BCAS3: variants seen among roughly 807,000 people sequenced by gnomAD.
BCAS3 encodes the protein BCAS3 microtubule associated cell migration factor.
BCAS3 carries 53 observed loss-of-function variants against 116.1 expected under a neutral mutation model. The ratio of observed to expected loss-of-function variants is 0.46; its 90% CI spans 0.37 to 0.57. The LOEUF (loss-of-function observed/expected upper bound fraction) is 0.57, where lower values mean the gene tolerates loss of function less well. Ranked by LOEUF, BCAS3 falls within the 20% of genes least tolerant of loss-of-function variation. The pLI is 0.00. For missense variants in BCAS3, 917 were observed against 1,165.4 expected, an observed-to-expected ratio of 0.79 and a Z score of 3.10; for synonymous variants, 391 against 408.2, an observed-to-expected ratio of 0.96 and a Z score of 0.51.
At position 60,990,056 on chromosome 17, in the gene BCAS3, C is replaced by T; in HGVS notation, c.1307C>T (p.Pro436Leu). ...ACTTCCCACGTTTTCCCCATCAACC[C>T]TTATGGTGGCCAGCCTTGTGTTCGT... ...RGTSHVFPIN[P>L]YGGQPCVRTH... The change falls in exon 15 of 24, where the codon CCT becomes CTT. Residue 436 changes from proline (P) to leucine (L), a missense_variant. This residue lies in a region of BCAS3 where 807 missense variants were observed against 1,026.0 expected (regional missense o/e 0.79). Coordinates refer to ENST00000407086, the MANE Select transcript of BCAS3 (RefSeq NM_017679.5). This position sits in a 1 kb window ranked among gnomAD's most constrained non-coding sequence, Gnocchi z 5.1. The T allele has an allele frequency of 6.2e-7, 1 of 1,614,162 alleles. No homozygotes were observed. Among genetic ancestry groups the T allele is most frequent in the Non-Finnish European group, 8.5e-7 (1 of 1,180,028 alleles).
rs2073242242 is a variant in BCAS3 at position 61,088,211 on chromosome 17, A to G, written c.2425+3647A>G. Among the ~76,000 whole-genome samples the G allele has an allele frequency of 6.6e-6, 1 of 152,156 alleles. No individual in the cohort carries two copies. Among genetic ancestry groups the G allele is most frequent in the African/African-American group, 2.4e-5 (1 of 41,438 alleles). On this transcript the variant is annotated intron_variant, in intron 22 of 23. Transcript: ENST00000407086. This position sits in a 1 kb window ranked among gnomAD's most constrained non-coding sequence, Gnocchi z 4.2. The stretch of plus-strand genomic sequence containing the variant: ...AGACAAAACAAAACGAAACAAAACA[A>G]AAACCATCCTACCTAAAATTTGTGG...
Position 61,315,592 on chromosome 17 carries a change from C to T in BCAS3, c.2426-52735C>T, listed in dbSNP as rs970847995. Among the ~76,000 whole-genome samples, 4 of 152,184 alleles carry T rather than the reference C, an allele frequency of 2.6e-5. No homozygotes were observed. The highest frequency in any genetic ancestry group is 2.0e-4 in the Admixed American group (3 of 15,284). On this transcript the variant is annotated intron_variant, in intron 22 of 23. Transcript: ENST00000407086. This position sits in a 1 kb window ranked among gnomAD's most constrained non-coding sequence, Gnocchi z 5.3. Reference sequence around the variant, plus strand: ...AAGCCCAGGTATGGGCCAGTGAACCCCAATGATGCTGGGGTGCCTCTTCCT... The same window carrying T: ...AAGCCCAGGTATGGGCCAGTGAACCTCAATGATGCTGGGGTGCCTCTTCCT...
chr17:60,681,013 GAAC>G (rs2033002890), intron 2 of BCAS3, among the ~76,000 whole-genome samples: 1 of 152,086 alleles, frequency 6.6e-6, no homozygotes, highest in African/African-American at 2.4e-5. Flanking sequence ...ACACCAGCCT[GAAC>G]AACATCCTGA....
At chr17:60,893,806 A>C (rs1473694676) in intron 10 of BCAS3, among the ~76,000 whole-genome samples, 1 of 151,870 alleles carries the variant, frequency 6.6e-6, no homozygotes, top group Non-Finnish European at 1.5e-5. Flanking sequence ...ATGGAGTTTT[A>C]TCATGTTGGC....
At chr17:61,335,682 A>G (rs2056664403) in intron 22 of BCAS3, among the ~76,000 whole-genome samples, 1 of 152,248 alleles carries the variant, frequency 6.6e-6, no homozygotes, top group African/African-American at 2.4e-5. Context: ...CAGAAGTTCA[A>G]GACCAGCCTG....
rs530123092 is a variant in BCAS3, at chr17:61,265,302, G to A, written c.2426-103025G>A. Among the ~76,000 whole-genome samples the A allele has an allele frequency of 2.6e-5, 4 of 152,088 alleles. No homozygotes were observed. Among genetic ancestry groups the A allele is most frequent in the African/African-American group, 7.2e-5 (3 of 41,490 alleles). On this transcript the variant is annotated intron_variant, in intron 22 of 23. Coordinates refer to ENST00000407086, the MANE Select transcript of BCAS3 (RefSeq NM_017679.5). This position sits in a 1 kb window ranked among gnomAD's most constrained non-coding sequence, Gnocchi z 4.3. ...TGGCGCATGCCTGTAATCCCGGGAGGTTGAGGCAGGAGAATCGTTCGAACC... is the reference window on the plus strand; with the variant it reads ...TGGCGCATGCCTGTAATCCCGGGAGATTGAGGCAGGAGAATCGTTCGAACC...
intron 22 of BCAS3, among the ~76,000 whole-genome samples, chr17:61,093,123 G>A (rs566223138): frequency 1.3e-4 from 19 of 151,978 alleles, no homozygotes; most frequent in Non-Finnish European, 2.5e-4. Flanking sequence ...GGCCAGGCTG[G>A]TCTCGAGCTC....
In BCAS3 at chr17:61,256,811, G is replaced by A. The variant is rs1255063370; in HGVS notation, c.2426-111516G>A. On this transcript the variant is annotated intron_variant, in intron 22 of 23. Coordinates refer to ENST00000407086, the MANE Select transcript of BCAS3 (RefSeq NM_017679.5). The surrounding 1 kb of genome is among the most constrained non-coding windows in gnomAD (Gnocchi z 5.6). ...GTATGCCATGGCACAAGGACCCAAA[G>A]TGATCTTCTCAGGCCTCAACCCCAG... Among the ~76,000 whole-genome samples the A allele has an allele frequency of 6.6e-6, 1 of 152,164 alleles. No individual in the cohort carries two copies.
Position 61,028,114 on chromosome 17 carries a change from C to CG in BCAS3, c.1638-6551dup, listed in dbSNP as rs2066387781. On this transcript the variant is annotated intron_variant, in intron 16 of 23. Transcript: ENST00000407086. This position sits in a 1 kb window ranked among gnomAD's most constrained non-coding sequence, Gnocchi z 4.3. ...ATTACACTAGAAAAAAACATTCCAA[C>CG]GTTTTTTCCTCTTGGACAGAAAGAA... Among the ~76,000 whole-genome samples, 1 of 151,710 alleles carries CG rather than the reference C, an allele frequency of 6.6e-6. No homozygotes were observed. The highest frequency in any genetic ancestry group is 1.5e-5 in the Non-Finnish European group (1 of 67,770).
At chr17:61,086,299 G>A (rs558393069) in intron 22 of BCAS3, among the ~76,000 whole-genome samples, 1 of 152,234 alleles carries the variant, frequency 6.6e-6, no homozygotes, top group Admixed American at 6.5e-5. Flanking sequence ...CACCTTGTTG[G>A]TCAGGCTAGT....
intron 7 of BCAS3, among the ~76,000 whole-genome samples, chr17:60,846,100 T>A (rs537833327): frequency 1.6e-4 from 25 of 152,160 alleles, no homozygotes; most frequent in African/African-American, 5.8e-4. Flanking sequence ...AATTAATTTT[T>A]AAATTTTTTT....
In BCAS3 at chr17:60,928,743, G is replaced by A. The variant is rs140664582; in HGVS notation, c.1087+4243G>A. ...TTTTCCTTCTTTTTTTAATTAGCAA[G>A]TGCTAGTCAGCAGCTACCCAGCTTT... On this transcript the variant is annotated intron_variant, in intron 13 of 23. Transcript: ENST00000407086. Among the ~76,000 whole-genome samples the A allele has an allele frequency of 8.1e-3, 1,230 of 152,280 alleles. 16 individuals carry two copies. The highest frequency in any genetic ancestry group is 0.028 in the African/African-American group (1,151 of 41,548).
rs1435081594 is a variant in BCAS3, at chr17:61,392,353, A to G, written c.*228A>G. ...TGTCGGTGGAGGCTGTGGCCAGGAG[A>G]GACTGTAGAAGCTCGGTCCCTGTGT... On this transcript the variant is annotated 3_prime_UTR_variant, in exon 24 of 24. Coordinates refer to ENST00000407086, the MANE Select transcript of BCAS3 (RefSeq NM_017679.5). This position sits in a 1 kb window ranked among gnomAD's most constrained non-coding sequence, Gnocchi z 6.4. The G allele has an allele frequency of 2.1e-6, 1 of 482,228 alleles. No homozygotes were observed. Among genetic ancestry groups the G allele is most frequent in the Admixed American group, 3.8e-5 (1 of 26,216 alleles). The allele number at this position is 482,228 out of a possible 1,614,324, so 29.9% of individuals were successfully genotyped here. A position where few individuals can be genotyped will look rare whatever the true frequency, so the allele number is the denominator to read the frequency against.
intron 7 of BCAS3, 107 bp downstream of exon 7, chr17:60,808,183 CATAAG>C (rs1452281992): frequency 6.7e-6 from 5 of 751,260 alleles, no homozygotes; most frequent in South Asian, 1.9e-5. Flanking sequence ...ACTAAGCTCT[CATAAG>C]AGAGAAGAAG....
At chr17:61,322,830 C>CAGAGAGAG (rs1237128472) in intron 22 of BCAS3, among the ~76,000 whole-genome samples, 3 of 75,432 alleles carry the variant, frequency 4.0e-5, no homozygotes, top group Non-Finnish European at 8.3e-5. Flanking sequence ...GAGAGAGAGA[C>CAGAGAGAG]AGAGAGAGAG....
chr17:60,920,050 C>T (rs897671667), intron 12 of BCAS3, among the ~76,000 whole-genome samples: 8 of 152,062 alleles, frequency 5.3e-5, no homozygotes, highest in African/African-American at 1.9e-4. Context: ...ACCCAAATTG[C>T]TTCAGATTCA....
In BCAS3 at chr17:61,126,350, A is replaced by G. The variant is rs1458097854; in HGVS notation, c.2425+41786A>G. ...TGAATTGTCAGTGATACTTATTTTC[A>G]GAGACATTAGAAAAAAAGAGCAGTG... is the stretch of plus-strand genomic sequence containing the variant. On this transcript the variant is annotated intron_variant, in intron 22 of 23. Transcript: ENST00000407086. The surrounding 1 kb of genome is among the most constrained non-coding windows in gnomAD (Gnocchi z 4.6). Among the ~76,000 whole-genome samples the G allele has an allele frequency of 6.6e-6, 1 of 152,190 alleles. No homozygotes were observed. The highest frequency in any genetic ancestry group is 2.4e-5 in the African/African-American group (1 of 41,466).
chr17:60,699,857 C>T (rs60439505), intron 4 of BCAS3, among the ~76,000 whole-genome samples: 9,735 of 141,778 alleles, frequency 0.069, 1,134 homozygotes, highest in African/African-American at 0.24. Context: ...AGCAAGACTC[C>T]GTCTCAAAAA....
At chr17:61,382,281 A>G (rs1287494999) in intron 23 of BCAS3, among the ~76,000 whole-genome samples, 1 of 149,352 alleles carries the variant, frequency 6.7e-6, no homozygotes, top group Non-Finnish European at 1.5e-5. Context: ...TTTTTTTGAG[A>G]CAGAGTTTCA....
Sources: gnomAD v4.1 joint callset for allele counts (sites outside exome capture counted in the v4.1 genomes callset) on GRCh38, gnomAD v4.1.1 for gene constraint, gnomAD v4.1.1 regional missense constraint, Gnocchi (gnomAD v3.1) non-coding constraint, MANE v1.5 for transcripts, NCBI Gene and HGNC (gene_info 2026-07-23, HGNC 2026-07-21) for gene names.